NAV1: variants seen among roughly 807,000 people sequenced by gnomAD.
NAV1 encodes the protein neuron navigator 1.
Under a neutral mutation model 175.2 loss-of-function variants are expected in NAV1, and 18 were observed. The observed-to-expected ratio is 0.10, with a 90% confidence interval of 0.07 to 0.15. The LOEUF (loss-of-function observed/expected upper bound fraction) is 0.15, where lower values mean the gene tolerates loss of function less well. Ranked by LOEUF, NAV1 falls within the 10% of genes least tolerant of loss-of-function variation. The pLI is 1.00. For synonymous variants in NAV1, 897 were observed against 978.7 expected (o/e 0.92, Z 1.56); for missense variants, 1,731 against 2,436.6 (o/e 0.71, Z 6.10).
intron 1 of NAV1, among the ~76,000 whole-genome samples, chr1:201,653,093 G>A (rs1669268215): frequency 6.6e-6 from 1 of 152,144 alleles, no homozygotes; most frequent in Admixed American, 6.6e-5. Flanking sequence ...TCTACCAAAT[G>A]TATTACTTTC....
At chr1:201,661,817 G>T (rs1318043731) in intron 1 of NAV1, among the ~76,000 whole-genome samples, 1 of 152,174 alleles carries the variant, frequency 6.6e-6, no homozygotes, top group Non-Finnish European at 1.5e-5. Context: ...CCAGAGTGCT[G>T]CATCTAGCGG....
In NAV1 at chr1:201,694,866, C is replaced by G. The variant is rs536422740; in HGVS notation, c.758-17951C>G. On this transcript the variant is annotated intron_variant, in intron 1 of 29. Coordinates refer to ENST00000367296, the Ensembl canonical transcript of NAV1. The surrounding 1 kb of genome is among the most constrained non-coding windows in gnomAD (Gnocchi z 4.2). ...AATTGCTTATCAGTCTCTTCAGCTG[C>G]CAAACGAACCAAGAAGCTGCCTCAC... Among the ~76,000 whole-genome samples, 7 of 152,288 alleles carry G rather than the reference C, an allele frequency of 4.6e-5. No homozygotes were observed. The South Asian group carries it at 1.0e-3, about 23-fold the overall frequency.
At chr1:201,603,467 A>G (rs755793547) in intron 2 of NAV1, among the ~76,000 whole-genome samples, 6 of 152,220 alleles carry the variant, frequency 3.9e-5, no homozygotes, top group Non-Finnish European at 8.8e-5. Flanking sequence ...GCTTCTGGTA[A>G]CAGAAGTCAT....
exon 1 of NAV1, chr1:201,649,162 C>T (rs1379142163): frequency 5.0e-6 from 8 of 1,611,836 alleles, no homozygotes; most frequent in African/African-American, 1.3e-5. Context: ...GCTCCGCTCG[C>T]GCCCAACCTG....
intron 1 of NAV1, among the ~76,000 whole-genome samples, chr1:201,623,934 T>G (rs1387265845): frequency 6.6e-6 from 1 of 152,210 alleles, no homozygotes; most frequent in Non-Finnish European, 1.5e-5. Context: ...TGGGATGTCG[T>G]GGAAGCTTAA....
At position 201,558,874 on chromosome 1, in the gene NAV1, G is replaced by C. The variant is rs114533474; in HGVS notation, c.-144+19532G>C. On this transcript the variant is annotated intron_variant, in intron 1 of 33. Coordinates refer to the NAV1 transcript ENST00000685211. ...TCCTCTTTGGGGTCTGGCTTCTAGG[G>C]AGATAAGAGAATTCCAGAGAATAGT... Among the ~76,000 whole-genome samples, 1,011 of 152,282 alleles carry C rather than the reference G, an allele frequency of 6.6e-3. 16 individuals carry two copies. Among genetic ancestry groups the C allele is most frequent in the African/African-American group, 0.023 (944 of 41,538 alleles).
rs1678397781 is a variant in NAV1, at chr1:201,807,824, T to C, written c.3649-129T>C. ...ATTCTATGAATCAAGTGAAGTGTTA[T>C]AGAGGGTGGCTTAATTAAAGTAAAT... is the stretch of plus-strand genomic sequence containing the variant. On this transcript the variant is annotated intron_variant, in intron 17 of 29. Coordinates refer to ENST00000367296, the Ensembl canonical transcript of NAV1. This position sits in a 1 kb window ranked among gnomAD's most constrained non-coding sequence, Gnocchi z 5.4. 3 of 849,170 alleles carry C rather than the reference T, an allele frequency of 3.5e-6. No homozygotes were observed. Among genetic ancestry groups the C allele is most frequent in the Admixed American group, 2.1e-5 (1 of 47,104 alleles). 52.6% of individuals were successfully genotyped at this position (849,170 alleles called of 1,614,324 possible). A position where few individuals can be genotyped will look rare whatever the true frequency, so the allele number is the denominator to read the frequency against.
Position 201,808,641 on chromosome 1 carries a change from G to C in NAV1, c.4038+31G>C. 1 of 1,614,244 alleles carries C rather than the reference G, an allele frequency of 6.2e-7. No individual in the cohort carries two copies. On this transcript the variant is annotated intron_variant, in intron 19 of 29. Transcript: ENST00000367296. This position sits in a 1 kb window ranked among gnomAD's most constrained non-coding sequence, Gnocchi z 5.5. ...TGTCTGGGCGGACAGCTGCAGGAAAGGGAAGACCAAGGCTTGCTGTCTGTC... is the reference window on the plus strand; with the variant it reads ...TGTCTGGGCGGACAGCTGCAGGAAACGGAAGACCAAGGCTTGCTGTCTGTC...
At chr1:201,755,477 G>C (rs1674398541) in intron 3 of NAV1, among the ~76,000 whole-genome samples, 2 of 152,034 alleles carry the variant, frequency 1.3e-5, no homozygotes, top group Non-Finnish European at 2.9e-5. Flanking sequence ...AGAAAGAGGA[G>C]GAAGAGGAAG....
At chr1:201,689,005 C>T (rs1167369901) in intron 1 of NAV1, among the ~76,000 whole-genome samples, 2 of 152,202 alleles carry the variant, frequency 1.3e-5, no homozygotes, top group South Asian at 2.1e-4. Context: ...TGAGTGCAAG[C>T]TTTGTGATCA....
At chr1:201,749,872 C>T (rs1673997549) in intron 3 of NAV1, among the ~76,000 whole-genome samples, 1 of 152,032 alleles carries the variant, frequency 6.6e-6, no homozygotes, top group South Asian at 2.1e-4. Context: ...CCACTGCACT[C>T]CAGCTGAGCA....
upstream of NAV1, among the ~76,000 whole-genome samples, chr1:201,647,889 C>A (rs1669027691): frequency 6.6e-6 from 1 of 152,150 alleles, no homozygotes; most frequent in Non-Finnish European, 1.5e-5. Flanking sequence ...CTCCACACCT[C>A]CTCAACAGAT....
chr1:201,649,414 G>A, exon 1 of NAV1: 1 of 1,559,118 alleles, frequency 6.4e-7, no homozygotes, highest in South Asian at 1.2e-5. Flanking sequence ...CTGCTCTTCA[G>A]CCAGATGCTG....
intron 6 of NAV1, among the ~76,000 whole-genome samples, 193 bp from the exon 11 acceptor site, chr1:201,783,213 C>G (rs1283627571): frequency 6.6e-6 from 1 of 152,144 alleles, no homozygotes; most frequent in Non-Finnish European, 1.5e-5. Flanking sequence ...TATGCTGGCC[C>G]CTTATCTAAG....
At chr1:201,674,393 G>C (rs950497492) in intron 1 of NAV1, among the ~76,000 whole-genome samples, 5 of 146,722 alleles carry the variant, frequency 3.4e-5, no homozygotes, top group East Asian at 2.0e-4. Flanking sequence ...GTGTGTGTTG[G>C]GGGGGGTTGT....
chr1:201,720,807 T>G lies in NAV1; in HGVS notation c.1226+2052T>G, dbSNP rs76835008. 7.6e-4 allele frequency among the ~76,000 whole-genome samples: 115 copies of G among 152,232 alleles called. 2 individuals carry two copies. The East Asian group carries it at 0.014, about 18-fold the overall frequency. ...TATTATTTTTGTTGCTATATTATTT[T>G]TGTTGTTATTAGAGTCCCAGACTGA... On this transcript the variant is annotated intron_variant, in intron 3 of 29. Transcript: ENST00000367296.
chr1:201,542,016 C>T (rs1229867892), intron 1 of NAV1, among the ~76,000 whole-genome samples: 4 of 152,048 alleles, frequency 2.6e-5, no homozygotes, highest in Non-Finnish European at 5.9e-5. Flanking sequence ...TAAGAAAAAC[C>T]AGAATGTCAA....
intron 1 of NAV1, among the ~76,000 whole-genome samples, chr1:201,569,380 T>A (rs1391727757): frequency 6.6e-6 from 1 of 152,216 alleles, no homozygotes; most frequent in Non-Finnish European, 1.5e-5. Context: ...ATGATTTTAA[T>A]GTCCGAAATT....
intron 3 of NAV1, among the ~76,000 whole-genome samples, chr1:201,743,965 A>G (rs1416358010): frequency 6.6e-6 from 1 of 152,156 alleles, no homozygotes; most frequent in Non-Finnish European, 1.5e-5. Context: ...GCTCACCGCA[A>G]TGTGTGCCTC....
Sources: allele counts gnomAD v4.1 joint callset (sites outside exome capture counted in the v4.1 genomes callset), GRCh38; gene constraint gnomAD v4.1.1; non-coding constraint Gnocchi (gnomAD v3.1); transcripts MANE v1.5; gene names NCBI Gene and HGNC (gene_info 2026-07-23, HGNC 2026-07-21).